The following MYO16 variants were observed in gnomAD, a reference collection of about 807,000 sequenced individuals.
MYO16 encodes the protein unconventional myosin-XVI.
A neutral mutation model predicts 205.3 loss-of-function variants in MYO16; 94 were observed. That is an observed-to-expected ratio of 0.46 (90% CI 0.39 to 0.54). The LOEUF is 0.54. Among genes scored for constraint, MYO16 ranks in the 20% least tolerant of loss-of-function variants. The probability of loss-of-function intolerance (pLI) is 0.00; values close to 1 mark genes in which losing one functional copy is unlikely to be tolerated. For synonymous variants in MYO16, 988 were observed against 954.0 expected, an observed-to-expected ratio of 1.04 and a Z score of -0.66; for missense variants, 2,315 against 2,387.5, an observed-to-expected ratio of 0.97 and a Z score of 0.63.
intron 4 of MYO16, among the ~76,000 whole-genome samples, chr13:108,773,508 A>G (rs1299042727): frequency 1.3e-5 from 2 of 151,978 alleles, no homozygotes; most frequent in East Asian, 1.9e-4. Flanking sequence ...CATCACCCCA[A>G]TCTCTGCCTT....
Position 109,125,197 on chromosome 13 carries a change from G to T in MYO16, c.3621G>T (p.Leu1207=), listed in dbSNP as rs1876187263. The T allele has an allele frequency of 6.2e-7, 1 of 1,614,000 alleles. No individual in the cohort carries two copies. Among genetic ancestry groups the T allele is most frequent in the South Asian group, 1.1e-5 (1 of 91,084 alleles). ...AGGTGACTTCTATCAATAGCTTTCT[G>T]CAGAACACAGAGGACATGGGGCTGA... ...QQEVTSINSF[L]QNTEDMGLKT... is the part of the protein sequence containing the mutation. Residue 1207 remains leucine, a synonymous_variant, in exon 30 of 35, where the codon CTG becomes CTT. Transcript: ENST00000457511. This position sits in a 1 kb window ranked among gnomAD's most constrained non-coding sequence, Gnocchi z 4.0.
At position 109,140,114 on chromosome 13, in the gene MYO16, GGGAGCCTAGTGGGT is replaced by G. The variant is rs1876969323; in HGVS notation, c.4052-145_4052-132del. ...GGTCTCAGGAGTTCGGGTTCAGCCA[GGGAGCCTAGTGGGT>G]GGAGGAACATGCAGGCCCGGTCCCT... On this transcript the variant is annotated intron_variant, in intron 31 of 34. Transcript: ENST00000457511. The surrounding 1 kb of genome is among the most constrained non-coding windows in gnomAD (Gnocchi z 8.0). 7.3e-7 allele frequency: 1 copy of G among 1,377,830 alleles called. No individual in the cohort carries two copies. The highest frequency in any genetic ancestry group is 3.0e-5 in the Admixed American group (1 of 33,480). 85.4% of individuals were successfully genotyped at this position (1,377,830 alleles called of 1,614,324 possible).
At chr13:108,763,860 C>A (rs1422481705) in intron 4 of MYO16, among the ~76,000 whole-genome samples, 2 of 150,452 alleles carry the variant, frequency 1.3e-5, no homozygotes, top group Non-Finnish European at 3.0e-5. Flanking sequence ...TGGAGTAAAT[C>A]AGATTAACCC....
the MYO16 span, among the ~76,000 whole-genome samples, chr13:108,587,755 C>T: frequency 9.9e-5 from 15 of 152,086 alleles, no homozygotes; most frequent in African/African-American, 2.4e-4. Context: ...GGGGAATGAC[C>T]GCCCAAGCCA....
chr13:108,858,494 G>A (rs898715653), intron 11 of MYO16, among the ~76,000 whole-genome samples: 2 of 152,126 alleles, frequency 1.3e-5, no homozygotes, highest in Non-Finnish European at 2.9e-5. Flanking sequence ...TGCATTTGGT[G>A]AGACTGTTGA....
chr13:108,757,527 G>A (rs978868084), intron 4 of MYO16, among the ~76,000 whole-genome samples: 2 of 151,920 alleles, frequency 1.3e-5, no homozygotes, highest in African/African-American at 4.8e-5. Context: ...TGTACACAAC[G>A]TGCAGGTTAG....
intron 16 of MYO16, among the ~76,000 whole-genome samples, chr13:108,922,598 T>C (rs1050126875): frequency 2.0e-5 from 3 of 152,228 alleles, no homozygotes; most frequent in African/African-American, 7.2e-5. Context: ...AGATTTGGAA[T>C]GTGCGATTTG....
At chr13:108,581,757 G>A in the MYO16 span, among the ~76,000 whole-genome samples, 7 of 151,818 alleles carry the variant, frequency 4.6e-5, no homozygotes, top group African/African-American at 1.7e-4. Flanking sequence ...ATGGTGGTGG[G>A]CACCTGTATT....
At chr13:108,548,978 A>G in the MYO16 span, among the ~76,000 whole-genome samples, 3 of 152,232 alleles carry the variant, frequency 2.0e-5, no homozygotes, top group African/African-American at 7.2e-5. Context: ...ATCTATAGAT[A>G]TACAGATCGA....
At chr13:108,552,590 T>C in the MYO16 span, among the ~76,000 whole-genome samples, 1 of 152,170 alleles carries the variant, frequency 6.6e-6, no homozygotes, top group Non-Finnish European at 1.5e-5. Context: ...TGTTTGTGTA[T>C]CTTGCCTTTA....
intron 23 of MYO16, among the ~76,000 whole-genome samples, chr13:109,025,027 C>T (rs986110431): frequency 1.9e-4 from 29 of 152,174 alleles, no homozygotes; most frequent in African/African-American, 6.5e-4. Context: ...CTAAATAGCT[C>T]TATGATAGTA....
At chr13:108,740,946 T>C (rs562199666) in intron 4 of MYO16, among the ~76,000 whole-genome samples, 16 of 152,306 alleles carry the variant, frequency 1.1e-4, no homozygotes, top group African/African-American at 3.8e-4. Flanking sequence ...GTTGGGGATA[T>C]AATCTCCTGG....
At chr13:108,951,787 G>C (rs1883160994) in intron 16 of MYO16, among the ~76,000 whole-genome samples, 1 of 152,110 alleles carries the variant, frequency 6.6e-6, no homozygotes, top group Non-Finnish European at 1.5e-5. Flanking sequence ...TTAAGATCAA[G>C]ACACCTCTTC....
chr13:108,792,148 C>T (rs1420637760), intron 5 of MYO16, among the ~76,000 whole-genome samples: 2 of 152,176 alleles, frequency 1.3e-5, no homozygotes, highest in Admixed American at 1.3e-4. Context: ...CATCATGAAA[C>T]TTCAGGTTAA....
chr13:108,929,856 A>C (rs1393861838), intron 16 of MYO16, among the ~76,000 whole-genome samples: 1 of 152,244 alleles, frequency 6.6e-6, no homozygotes, highest in East Asian at 1.9e-4. Flanking sequence ...GTAAAGGGAA[A>C]AGAAAGTAAA....
chr13:108,795,370 A>G (rs1455021951), intron 6 of MYO16, among the ~76,000 whole-genome samples: 2 of 151,862 alleles, frequency 1.3e-5, no homozygotes, highest in Admixed American at 6.6e-5. Context: ...CACCACGCCC[A>G]GCTAATTTTT....
intron 1 of MYO16, among the ~76,000 whole-genome samples, chr13:108,640,787 G>A (rs987517853): frequency 2.6e-5 from 4 of 152,146 alleles, no homozygotes; most frequent in African/African-American, 7.2e-5. Flanking sequence ...TAACGGTAAC[G>A]ACAACCATAA....
At chr13:108,816,942 A>G (rs903256195) in intron 7 of MYO16, among the ~76,000 whole-genome samples, 47 of 152,224 alleles carry the variant, frequency 3.1e-4, no homozygotes, top group African/African-American at 1.1e-3. Flanking sequence ...TTCACAAAAG[A>G]TGGTCATTAA....
In MYO16 at chr13:109,040,646, T is replaced by G. The variant is rs562332392; in HGVS notation, c.2797-6270T>G. On this transcript the variant is annotated intron_variant, in intron 23 of 34. Transcript: ENST00000457511. ...ATATCACAGGATGAAGAAAAAGCAT[T>G]TGATAAAATTTAACATCCAGTCATG... Among the ~76,000 whole-genome samples the G allele has an allele frequency of 3.9e-4, 60 of 152,050 alleles. 3 individuals carry two copies. The highest frequency in any genetic ancestry group is 1.5e-5 in the Non-Finnish European group (1 of 67,992).
Sources: gnomAD v4.1 joint callset for allele counts (sites outside exome capture counted in the v4.1 genomes callset) on GRCh38, gnomAD v4.1.1 for gene constraint, Gnocchi (gnomAD v3.1) non-coding constraint, MANE v1.5 for transcripts, NCBI Gene and HGNC (gene_info 2026-07-23, HGNC 2026-07-21) for gene names.